SNX18: variants seen among roughly 807,000 people sequenced by gnomAD.
The protein encoded by SNX18 is sorting nexin-18.
Under a neutral mutation model 48.7 loss-of-function variants are expected in SNX18, and 35 were observed. The ratio of observed to expected loss-of-function variants is 0.72; its 90% CI spans 0.55 to 0.95. The LOEUF (loss-of-function observed/expected upper bound fraction) is 0.95. SNX18 is among the 40% of genes least tolerant of loss of function. The probability of loss-of-function intolerance (pLI) is 0.00; values close to 1 mark genes in which losing one functional copy is unlikely to be tolerated. For synonymous variants in SNX18, 492 were observed against 384.7 expected (o/e 1.28, Z -3.26); for missense variants, 824 against 871.0 (o/e 0.95, Z 0.68).
the SNX18 span, among the ~76,000 whole-genome samples, chr5:54,613,205 G>A: frequency 6.6e-6 from 1 of 152,196 alleles, no homozygotes; most frequent in Non-Finnish European, 1.5e-5. Flanking sequence ...TCTGCCTATA[G>A]GGATTATCTT....
chr5:54,533,511 C>T (rs927142539), intron 1 of SNX18, among the ~76,000 whole-genome samples: 1 of 152,120 alleles, frequency 6.6e-6, no homozygotes. Context: ...GCTTTGCGAT[C>T]GCCATGGGTA....
At chr5:54,523,782 G>A (rs1762077876) in intron 1 of SNX18, among the ~76,000 whole-genome samples, 2 of 152,172 alleles carry the variant, frequency 1.3e-5, no homozygotes, top group South Asian at 4.1e-4. Flanking sequence ...TTTACCACTA[G>A]TAGAGTTGGC....
At chr5:54,576,627 A>G in the SNX18 span, among the ~76,000 whole-genome samples, 2 of 152,002 alleles carry the variant, frequency 1.3e-5, no homozygotes, top group African/African-American at 4.8e-5. Context: ...TCCCTTCCTC[A>G]TTCTCCTGTC....
the SNX18 span, among the ~76,000 whole-genome samples, chr5:54,631,129 A>G: frequency 6.6e-6 from 1 of 152,374 alleles, no homozygotes; most frequent in Non-Finnish European, 1.5e-5. Context: ...GACATAATAC[A>G]GCCACATTTA....
chr5:54,561,504 A>ATTTTTTTTT, the SNX18 span, among the ~76,000 whole-genome samples: 16 of 133,018 alleles, frequency 1.2e-4, no homozygotes, highest in East Asian at 9.0e-4. Flanking sequence ...CGCCCAGCTA[A>ATTTTTTTTT]TTTTTTTTTT....
the SNX18 span, among the ~76,000 whole-genome samples, chr5:54,604,257 C>T: frequency 0.94 from 143,245 of 152,288 alleles, 67,571 homozygotes; most frequent in South Asian, 0.98. Flanking sequence ...TATGATCTAC[C>T]ACTAGGTATA....
chr5:54,527,560 T>C (rs1003079983), intron 1 of SNX18, among the ~76,000 whole-genome samples: 1 of 152,212 alleles, frequency 6.6e-6, no homozygotes, highest in African/African-American at 2.4e-5. Flanking sequence ...AGTTTTCTCC[T>C]TTTAGGTAGA....
At chr5:54,615,617 T>C in the SNX18 span, among the ~76,000 whole-genome samples, 1 of 152,254 alleles carries the variant, frequency 6.6e-6, no homozygotes, top group Non-Finnish European at 1.5e-5. Context: ...GATTTTTAAA[T>C]GCTTCTGAAA....
chr5:54,611,829 G>A, the SNX18 span, among the ~76,000 whole-genome samples: 2 of 152,010 alleles, frequency 1.3e-5, no homozygotes, highest in African/African-American at 4.8e-5. Flanking sequence ...GAGGCAGGGT[G>A]CCTGGAGCAA....
chr5:54,566,908 T>C, the SNX18 span, among the ~76,000 whole-genome samples: 1 of 152,186 alleles, frequency 6.6e-6, no homozygotes, highest in Non-Finnish European at 1.5e-5. Context: ...TCATTACGAC[T>C]CCCCATCCCG....
chr5:54,518,251 C>G lies in SNX18; in HGVS notation c.299C>G (p.Pro100Arg). Residue 100 changes from proline to arginine, a missense_variant, in exon 1 of 2, where the codon CCG becomes CGG. Transcript: ENST00000381410. ...PVAPPASFKP[P>R]PDAFQALLQP... ...GCGCCCCCCGCCTCCTTCAAGCCGC[C>G]GCCTGACGCCTTCCAGGCGCTGCTG... 1 of 1,457,390 alleles carries G rather than the reference C, an allele frequency of 6.9e-7. No individual in the cohort carries two copies. Among genetic ancestry groups the G allele is most frequent in the Non-Finnish European group, 9.0e-7 (1 of 1,111,158 alleles). The allele number at this position is 1,457,390 out of a possible 1,614,324, so 90.3% of individuals were successfully genotyped here. A position where few individuals can be genotyped will look rare whatever the true frequency, so the allele number is the denominator to read the frequency against.
chr5:54,563,033 G>A, the SNX18 span, among the ~76,000 whole-genome samples: 1 of 151,968 alleles, frequency 6.6e-6, no homozygotes, highest in African/African-American at 2.4e-5. Flanking sequence ...TATAGAATAA[G>A]AATATTAAAA....
rs140790089 is a variant in SNX18 at position 54,519,290 on chromosome 5, C to T, written c.1338C>T (p.Asn446=). The T allele has an allele frequency of 5.1e-4, 819 of 1,614,116 alleles. 9 individuals are homozygous for T. In the East Asian group the frequency reaches 0.014, roughly 27 times the overall value. Residue 446 remains asparagine (N), a synonymous_variant, in exon 1 of 2, where the codon AAC becomes AAT. Coordinates refer to ENST00000381410, the MANE Select transcript of SNX18 (RefSeq NM_001102575.2). ...KKMDDSALQL[N]HTANEFARKQ... ...TGGACGACAGCGCGCTGCAGCTCAA[C>T]CACACGGCCAACGAGTTCGCGCGCA...
At chr5:54,620,990 G>T in the SNX18 span, among the ~76,000 whole-genome samples, 3 of 152,118 alleles carry the variant, frequency 2.0e-5, no homozygotes, top group Non-Finnish European at 2.9e-5. Flanking sequence ...CACATTAGGG[G>T]TTAGGAAGGG....
At chr5:54,635,876 A>G in the SNX18 span, among the ~76,000 whole-genome samples, 1 of 152,182 alleles carries the variant, frequency 6.6e-6, no homozygotes, top group Non-Finnish European at 1.5e-5. Flanking sequence ...TTATGTATTC[A>G]GTCCTGATGA....
At chr5:54,599,499 AC>A in the SNX18 span, among the ~76,000 whole-genome samples, 3 of 152,188 alleles carry the variant, frequency 2.0e-5, no homozygotes, top group East Asian at 5.8e-4. Context: ...TTTATATGGA[AC>A]CAAAAAAGAG....
chr5:54,539,663 C>T (rs1461495579), intron 1 of SNX18, among the ~76,000 whole-genome samples: 2 of 152,060 alleles, frequency 1.3e-5, no homozygotes, highest in African/African-American at 4.8e-5. Context: ...TTTGAATCTC[C>T]CTGTTCTATC....
the SNX18 span, among the ~76,000 whole-genome samples, chr5:54,561,494 C>A: frequency 6.7e-6 from 1 of 148,404 alleles, no homozygotes; most frequent in Non-Finnish European, 1.5e-5. Context: ...CACACCGGCA[C>A]GCCCAGCTAA....
the SNX18 span, among the ~76,000 whole-genome samples, chr5:54,595,382 C>T: frequency 2.6e-5 from 4 of 152,064 alleles, no homozygotes; most frequent in South Asian, 4.1e-4. Flanking sequence ...ACTACAGGCA[C>T]GCGCCACCAT....
Sources: gnomAD v4.1 joint callset for allele counts (sites outside exome capture counted in the v4.1 genomes callset) on GRCh38, gnomAD v4.1.1 for gene constraint, MANE v1.5 for transcripts, NCBI Gene and HGNC (gene_info 2026-07-23, HGNC 2026-07-21) for gene names.